The following TAF3 variants were observed in gnomAD, a reference collection of about 807,000 sequenced individuals.
TAF3 encodes transcription initiation factor TFIID subunit 3.
TAF3 carries 7 observed loss-of-function variants against 80.6 expected under a neutral mutation model. The ratio of observed to expected loss-of-function variants is 0.09; its 90% CI spans 0.05 to 0.16. The LOEUF is 0.16. TAF3 is among the 10% of genes least tolerant of loss of function. The pLI, the probability that TAF3 is intolerant of heterozygous loss-of-function variation, is 1.00. For missense variants in TAF3, 921 were observed against 1,140.2 expected (o/e 0.81, Z 2.77); for synonymous variants, 444 against 446.1 (o/e 1.00, Z 0.06).
intron 2 of TAF3, among the ~76,000 whole-genome samples, chr10:7,913,702 A>G (rs1222415300): frequency 6.6e-6 from 1 of 152,104 alleles, no homozygotes; most frequent in Non-Finnish European, 1.5e-5. Flanking sequence ...ACATCAACCC[A>G]TTGATGAATC....
At position 7,964,873 on chromosome 10, in the gene TAF3, G is replaced by A. The variant is rs61731332; in HGVS notation, c.1363G>A (p.Gly455Ser). The A allele has an allele frequency of 4.6e-4, 740 of 1,614,080 alleles. 2 individuals are homozygous for A. The African/African-American group carries it at 6.5e-3, about 14-fold the overall frequency. ...KSGSTPLPLS[G>S]GTSSSDNSWT... is the part of the protein sequence containing the mutation. ...AGGATCCACTCCTCTGCCTCTTTCC[G>A]GTGGAACCTCAAGTTCCGATAACTC... Residue 455 changes from glycine (G) to serine (S), a missense_variant, in exon 3 of 7, where the codon GGT (glycine) becomes AGT (serine). Around this residue, in one of 6 missense-constraint regions of TAF3, gnomAD observed 743 missense variants for 821.0 expected, o/e 0.90. Transcript: ENST00000344293. The surrounding 1 kb of genome is among the most constrained non-coding windows in gnomAD (Gnocchi z 4.1).
chr10:7,884,727 C>T (rs1239205787), intron 2 of TAF3, among the ~76,000 whole-genome samples: 1 of 152,150 alleles, frequency 6.6e-6, no homozygotes, highest in Non-Finnish European at 1.5e-5. Flanking sequence ...GAATCCAGGG[C>T]ACTAGGACTG....
At position 7,836,953 on chromosome 10, in the gene TAF3, T is replaced by C. The variant is rs1187174179; in HGVS notation, c.409+12393T>C. On this transcript the variant is annotated intron_variant, in intron 2 of 6. Coordinates refer to ENST00000344293, the MANE Select transcript of TAF3 (RefSeq NM_031923.4). ...CAAAATGAAAAGAGCTTTGGTTGAG[T>C]GTGATGGCTCATGCCTATAATCCCA... Among the ~76,000 whole-genome samples, 7 of 152,252 alleles carry C rather than the reference T, an allele frequency of 4.6e-5. No homozygotes were observed. The South Asian group carries it at 6.2e-4, about 14-fold the overall frequency.
chr10:7,852,842 T>G (rs897334437), intron 2 of TAF3, among the ~76,000 whole-genome samples: 1 of 152,246 alleles, frequency 6.6e-6, no homozygotes, highest in African/African-American at 2.4e-5. Flanking sequence ...AGTTTGTATA[T>G]GAAAAGCTGG....
rs1158513302 is a variant in TAF3 at position 7,818,552 on chromosome 10, C to T, written c.-158C>T. 7.0e-6 allele frequency: 5 copies of T among 711,230 alleles called. No homozygotes were observed. Among genetic ancestry groups the T allele is most frequent in the South Asian group, 2.5e-5 (1 of 40,708 alleles). 44.1% of individuals were successfully genotyped at this position (711,230 alleles called of 1,614,324 possible). A position where few individuals can be genotyped will look rare whatever the true frequency, so the allele number is the denominator to read the frequency against. On this transcript the variant is annotated 5_prime_UTR_variant, in exon 1 of 7. Transcript: ENST00000344293. ...AAATGGCGGCTCTCAGGCTGGCGCG[C>T]TCCGTGCTGCTGGGGCTTTGAGGTG...
At chr10:7,861,887 A>G (rs1384043825) in intron 2 of TAF3, among the ~76,000 whole-genome samples, 1 of 151,780 alleles carries the variant, frequency 6.6e-6, no homozygotes, top group Non-Finnish European at 1.5e-5. Context: ...TTCTTTGAAT[A>G]TTTTTTCCCT....
chr10:7,949,027 C>CGCCGCTGCTGACA (rs1838056191), intron 2 of TAF3, among the ~76,000 whole-genome samples: 1 of 152,332 alleles, frequency 6.6e-6, no homozygotes, highest in East Asian at 1.9e-4. Flanking sequence ...CGGCTGCTGC[C>CGCCGCTGCTGACA]GCCGCTGCTG....
intron 4 of TAF3, among the ~76,000 whole-genome samples, chr10:7,979,215 G>C (rs1296078808): frequency 6.7e-6 from 1 of 149,288 alleles, no homozygotes; most frequent in African/African-American, 2.5e-5. Context: ...GTGGTGGCAG[G>C]TGCCTGTAGT....
chr10:7,996,711 A>G lies in TAF3; in HGVS notation c.2316-12367A>G, dbSNP rs530920306. ...CTCACTCTGGGATTTTTTTTGAGACAGGGTCTCAGCCAGACTGGAGTACAA... is the reference window on the plus strand; with the variant it reads ...CTCACTCTGGGATTTTTTTTGAGACGGGGTCTCAGCCAGACTGGAGTACAA... On this transcript the variant is annotated intron_variant, in intron 4 of 6. Coordinates refer to ENST00000344293, the MANE Select transcript of TAF3 (RefSeq NM_031923.4). 1.4e-4 allele frequency among the ~76,000 whole-genome samples: 22 copies of G among 151,744 alleles called. No homozygotes were observed. The East Asian group carries it at 4.1e-3, about 28-fold the overall frequency.
chr10:7,989,515 T>C (rs1458048391), intron 4 of TAF3, among the ~76,000 whole-genome samples: 2 of 152,238 alleles, frequency 1.3e-5, no homozygotes, highest in Non-Finnish European at 2.9e-5. Flanking sequence ...AAATTTCCTA[T>C]GAAATACGTT....
chr10:7,980,263 A>G (rs1831713966), intron 4 of TAF3, among the ~76,000 whole-genome samples: 2 of 152,236 alleles, frequency 1.3e-5, no homozygotes, highest in Non-Finnish European at 2.9e-5. Flanking sequence ...ACAGGGTTCA[A>G]ATTATACCTT....
At chr10:7,876,627 A>G (rs1837315186) in intron 2 of TAF3, among the ~76,000 whole-genome samples, 1 of 152,196 alleles carries the variant, frequency 6.6e-6, no homozygotes, top group East Asian at 1.9e-4. Context: ...CACGGGGGTC[A>G]GTGGTTATGT....
intron 2 of TAF3, among the ~76,000 whole-genome samples, chr10:7,857,983 A>G (rs1255216460): frequency 6.8e-6 from 1 of 146,064 alleles, no homozygotes; most frequent in East Asian, 2.0e-4. Flanking sequence ...TGGGGGAGGT[A>G]GGAGTAGGGG....
chr10:7,850,128 G>A (rs904524327), intron 2 of TAF3, among the ~76,000 whole-genome samples: 1 of 152,196 alleles, frequency 6.6e-6, no homozygotes, highest in Non-Finnish European at 1.5e-5. Context: ...AGGGTAAATT[G>A]CATAGCCAAT....
intron 2 of TAF3, among the ~76,000 whole-genome samples, chr10:7,856,740 G>A (rs1837083620): frequency 6.6e-6 from 1 of 150,954 alleles, no homozygotes; most frequent in South Asian, 2.1e-4. Context: ...GGAACATTTT[G>A]TTATACCAAG....
At chr10:7,897,949 C>A (rs1837521417) in intron 2 of TAF3, among the ~76,000 whole-genome samples, 1 of 152,132 alleles carries the variant, frequency 6.6e-6, no homozygotes, top group Non-Finnish European at 1.5e-5. Flanking sequence ...GCATGAGCCA[C>A]CACACCCGGT....
At chr10:7,876,116 A>C (rs1837310155) in intron 2 of TAF3, among the ~76,000 whole-genome samples, 1 of 152,206 alleles carries the variant, frequency 6.6e-6, no homozygotes, top group South Asian at 2.1e-4. Flanking sequence ...CTTAATGACC[A>C]AAAGAACAAA....
intron 5 of TAF3, among the ~76,000 whole-genome samples, chr10:8,012,152 T>C (rs1832062160): frequency 1.3e-5 from 2 of 152,124 alleles, no homozygotes; most frequent in South Asian, 2.1e-4. Flanking sequence ...CACTCCAGCC[T>C]GGGTGACAGA....
At chr10:7,868,589 C>T (rs1167133577) in intron 2 of TAF3, among the ~76,000 whole-genome samples, 1 of 152,200 alleles carries the variant, frequency 6.6e-6, no homozygotes, top group Non-Finnish European at 1.5e-5. Context: ...CCTGGAGCAG[C>T]CTGTTAGTAG....
Sources: gnomAD v4.1 joint callset for allele counts (sites outside exome capture counted in the v4.1 genomes callset) on GRCh38, gnomAD v4.1.1 for gene constraint, gnomAD v4.1.1 regional missense constraint, Gnocchi (gnomAD v3.1) non-coding constraint, MANE v1.5 for transcripts, NCBI Gene and HGNC (gene_info 2026-07-23, HGNC 2026-07-21) for gene names.